The following DGKH variants were observed in gnomAD, a reference collection of about 807,000 sequenced individuals.
The protein encoded by DGKH is diacylglycerol kinase eta, also known as DAG kinase eta.
DGKH carries 90 observed loss-of-function variants against 159.3 expected under a neutral mutation model. The ratio of observed to expected loss-of-function variants is 0.57; its 90% CI spans 0.48 to 0.67. The LOEUF is 0.67. DGKH is among the 30% of genes least tolerant of loss of function. The pLI, the probability that DGKH is intolerant of heterozygous loss-of-function variation, is 0.00. For synonymous variants in DGKH, 536 were observed against 553.8 expected (o/e 0.97, Z 0.45); for missense variants, 1,181 against 1,506.1 (o/e 0.78, Z 3.57).
At chr13:42,106,771 C>A (rs9566918) in intron 1 of DGKH, among the ~76,000 whole-genome samples, 20,425 of 152,090 alleles carry the variant, frequency 0.13, 1,516 homozygotes, top group Non-Finnish European at 0.17. Flanking sequence ...AGGCTGGGCG[C>A]GGTGGCTCAT....
At chr13:42,168,941 C>A in intron 11 of DGKH, 123 bp downstream of exon 11, 1 of 1,097,376 alleles carries the variant, frequency 9.1e-7, no homozygotes, top group Non-Finnish European at 1.3e-6. Flanking sequence ...GAAGGCAGAG[C>A]CTTCCTGATC....
At chr13:42,219,858 C>G in intron 28 of DGKH, 64 bp downstream of exon 28, 1 of 1,440,978 alleles carries the variant, frequency 6.9e-7, no homozygotes, top group South Asian at 1.2e-5. Flanking sequence ...AAAGTGACAT[C>G]ATGGAGGTCG....
At chr13:42,040,511 A>G (rs1018072484) in intron 1 of DGKH, among the ~76,000 whole-genome samples, 4 of 138,386 alleles carry the variant, frequency 2.9e-5, no homozygotes, top group African/African-American at 5.4e-5. Flanking sequence ...GGCGGGGGGG[A>G]GGGGCGGGTA....
chr13:42,082,787 C>T (rs1013220691), intron 1 of DGKH, among the ~76,000 whole-genome samples: 2 of 152,120 alleles, frequency 1.3e-5, no homozygotes, highest in Admixed American at 6.5e-5. Context: ...CTCTGTATTT[C>T]CCTTTCCTTT....
At position 42,194,964 on chromosome 13, in the gene DGKH, G is replaced by A. The variant is rs754988766; in HGVS notation, c.2115G>A (p.Val705=). ...CTGATTCTGTCCCTGGTCCAGCTGTGGCAGCCAGCAAAGAAAACCTCCCTG... is the reference window on the plus strand; with the variant it reads ...CTGATTCTGTCCCTGGTCCAGCTGTAGCAGCCAGCAAAGAAAACCTCCCTG... ...SQTDSVPGPA[V]AASKENLPVL... is the part of the protein sequence containing the mutation. Residue 705 remains valine, a synonymous_variant, in exon 17 of 30, where the codon GTG becomes GTA. Coordinates refer to ENST00000337343, the MANE Select transcript of DGKH (RefSeq NM_178009.5). 4 of 1,613,998 alleles carry A rather than the reference G, an allele frequency of 2.5e-6. No homozygotes were observed. Among genetic ancestry groups the A allele is most frequent in the Admixed American group, 1.7e-5 (1 of 59,998 alleles).
chr13:42,201,554 A>G (rs1957346834), intron 20 of DGKH, among the ~76,000 whole-genome samples: 1 of 152,104 alleles, frequency 6.6e-6, no homozygotes, highest in African/African-American at 2.4e-5. Context: ...TGGTGTTCCA[A>G]ATTTTGAACA....
intron 1 of DGKH, among the ~76,000 whole-genome samples, chr13:42,100,741 G>A (rs1452451898): frequency 1.3e-5 from 2 of 152,070 alleles, no homozygotes; most frequent in African/African-American, 2.4e-5. Context: ...CACCTTACAG[G>A]AATTCAACCC....
At chr13:42,131,939 G>A (rs1955298782) in intron 3 of DGKH, among the ~76,000 whole-genome samples, 1 of 152,124 alleles carries the variant, frequency 6.6e-6, no homozygotes, top group African/African-American at 2.4e-5. Context: ...GAGACCTAAG[G>A]CCAAAACCTT....
chr13:42,244,891 G>C (rs1397029997), downstream of DGKH, among the ~76,000 whole-genome samples: 4 of 106,082 alleles, frequency 3.8e-5, no homozygotes, highest in South Asian at 3.9e-4. Context: ...GCGACAGAGC[G>C]AGACTCCGTC....
intron 1 of DGKH, among the ~76,000 whole-genome samples, chr13:42,054,674 A>C (rs973863929): frequency 6.6e-6 from 1 of 152,220 alleles, no homozygotes; most frequent in East Asian, 1.9e-4. Context: ...TCTTTTGTAC[A>C]GTAAGGTGAC....
intron 1 of DGKH, among the ~76,000 whole-genome samples, chr13:42,051,903 G>C (rs1293197841): frequency 6.6e-6 from 1 of 152,102 alleles, no homozygotes; most frequent in African/African-American, 2.4e-5. Context: ...GACCTCAGGT[G>C]ATCTGCCCAC....
At position 42,069,740 on chromosome 13, in the gene DGKH, A is replaced by G. The variant is rs1882831179; in HGVS notation, c.192+20775A>G. 4 of 1,116,870 alleles carry G rather than the reference A, an allele frequency of 3.6e-6. No individual in the cohort carries two copies. In the South Asian group the frequency reaches 6.1e-5, roughly 17 times the overall value. The allele number at this position is 1,116,870 out of a possible 1,614,324, so 69.2% of individuals were successfully genotyped here. ...CTCCAAACTAAGTTATCTAAATATG[A>G]TCATGACCTCGTTTTGTAATTACAA... On this transcript the variant is annotated intron_variant, in intron 1 of 29. Transcript: ENST00000337343.
intron 14 of DGKH, among the ~76,000 whole-genome samples, chr13:42,187,361 C>A (rs1181298281): frequency 6.6e-6 from 1 of 152,094 alleles, no homozygotes; most frequent in Non-Finnish European, 1.5e-5. Context: ...GAAAACCTAA[C>A]TCAAATCCCT....
chr13:42,194,171 A>G (rs1447701688), intron 16 of DGKH, among the ~76,000 whole-genome samples: 1 of 152,196 alleles, frequency 6.6e-6, no homozygotes. Context: ...ACAGAGTCTT[A>G]CTGTGTCACC....
chr13:42,200,482 A>G (rs902630355), intron 20 of DGKH, among the ~76,000 whole-genome samples: 9 of 152,216 alleles, frequency 5.9e-5, no homozygotes, highest in African/African-American at 2.2e-4. Context: ...CTCTAAAAAG[A>G]CTATTAATTT....
At chr13:42,084,780 TCTGGCA>T (rs1336759643) in intron 1 of DGKH, among the ~76,000 whole-genome samples, 1 of 152,100 alleles carries the variant, frequency 6.6e-6, no homozygotes, top group Non-Finnish European at 1.5e-5. Flanking sequence ...GTTGGTAGTG[TCTGGCA>T]AAATGACAAG....
intron 20 of DGKH, among the ~76,000 whole-genome samples, chr13:42,200,833 T>C (rs924009956): frequency 1.3e-5 from 2 of 152,172 alleles, no homozygotes; most frequent in African/African-American, 4.8e-5. Flanking sequence ...AAAATTAAGA[T>C]AGACTTACTG....
intron 12 of DGKH, among the ~76,000 whole-genome samples, chr13:42,175,253 C>G (rs572460142): frequency 2.6e-4 from 40 of 152,192 alleles, no homozygotes; most frequent in African/African-American, 9.6e-4. Context: ...AAAACTTTTT[C>G]TGACATAAAA....
At chr13:42,089,774 C>A (rs542523459) in intron 1 of DGKH, among the ~76,000 whole-genome samples, 1 of 152,182 alleles carries the variant, frequency 6.6e-6, no homozygotes, top group Non-Finnish European at 1.5e-5. Context: ...AACTTAACTT[C>A]ATCTGGAAAC....
Sources: gnomAD v4.1 joint callset for allele counts (sites outside exome capture counted in the v4.1 genomes callset) on GRCh38, gnomAD v4.1.1 for gene constraint, MANE v1.5 for transcripts, NCBI Gene and HGNC (gene_info 2026-07-23, HGNC 2026-07-21) for gene names.